The following ELOVL7 variants were observed in gnomAD, a reference collection of about 807,000 sequenced individuals.
The protein encoded by ELOVL7 is very long chain fatty acid elongase 7.
In ELOVL7, 27 loss-of-function variants were observed where a neutral mutation model predicts 35.7. The observed-to-expected ratio is 0.76, with a 90% confidence interval of 0.56 to 1.04. ELOVL7 has a LOEUF of 1.04. ELOVL7 is among the 50% of genes least tolerant of loss of function. The pLI, the probability that ELOVL7 is intolerant of heterozygous loss-of-function variation, is 0.00. For missense variants in ELOVL7, 327 were observed against 340.8 expected, an observed-to-expected ratio of 0.96 and a Z score of 0.32; for synonymous variants, 113 against 114.6, an observed-to-expected ratio of 0.99 and a Z score of 0.09.
Position 60,763,933 on chromosome 5 carries a change from A to G in ELOVL7, c.499+294T>C, listed in dbSNP as rs190094119. On this transcript the variant is annotated intron_variant, in intron 7 of 8. Transcript: ENST00000508821. ...CATTTGATTTATTTATTATTTATTT[A>G]TTTAAAGATATTTAATAAACCTCTC... is the stretch of plus-strand genomic sequence containing the variant. 2.6e-5 allele frequency among the ~76,000 whole-genome samples: 4 copies of G among 152,246 alleles called. No homozygotes were observed. In the East Asian group the frequency reaches 7.7e-4, roughly 29 times the overall value.
At chr5:60,786,535 AGG>A (rs1349596128) in intron 3 of ELOVL7, among the ~76,000 whole-genome samples, 1 of 152,162 alleles carries the variant, frequency 6.6e-6, no homozygotes. Flanking sequence ...TAAATGGGCA[AGG>A]GTAAAAGGCA....
Position 60,780,282 on chromosome 5 carries a change from G to A in ELOVL7, c.64+7052C>T, listed in dbSNP as rs1444159816. Among the ~76,000 whole-genome samples, 4 of 152,040 alleles carry A rather than the reference G, an allele frequency of 2.6e-5. No individual in the cohort carries two copies. The South Asian group carries it at 6.2e-4, about 24-fold the overall frequency. On this transcript the variant is annotated intron_variant, in intron 3 of 8. Transcript: ENST00000508821. The stretch of plus-strand genomic sequence containing the variant: ...TTACAGGCATGCGCCACCACGCCCA[G>A]TTAATTTTGTATTTTTTAGTAGAGA...
At chr5:60,842,032 C>A (rs13189346) in intron 1 of ELOVL7, among the ~76,000 whole-genome samples, 125,180 of 152,222 alleles carry the variant, frequency 0.82, 51,764 homozygotes, top group African/African-American at 0.89. Flanking sequence ...ACTGTATCAT[C>A]TTCTACATTT....
chr5:60,779,024 A>G (rs1340542787), intron 3 of ELOVL7, among the ~76,000 whole-genome samples: 1 of 152,176 alleles, frequency 6.6e-6, no homozygotes, highest in African/African-American at 2.4e-5. Flanking sequence ...TTAAATCTCA[A>G]TGCTCCACAA....
intron 1 of ELOVL7, among the ~76,000 whole-genome samples, chr5:60,832,430 A>G (rs2112388857): frequency 6.6e-6 from 1 of 151,682 alleles, no homozygotes. Context: ...CAGTGGCACC[A>G]TCTTGGCTCA....
chr5:60,808,773 T>C (rs1745090080), intron 1 of ELOVL7, among the ~76,000 whole-genome samples: 1 of 152,210 alleles, frequency 6.6e-6, no homozygotes, highest in Non-Finnish European at 1.5e-5. Flanking sequence ...ATCCATTCAA[T>C]GAATTACTAC....
intron 3 of ELOVL7, chr5:60,786,132 C>G (rs1294242116): frequency 1.3e-5 from 2 of 152,208 alleles, no homozygotes; most frequent in Admixed American, 6.5e-5. Context: ...AGTACTACAA[C>G]TAATAACCAG....
chr5:60,800,354 C>A (rs966227772), intron 1 of ELOVL7, among the ~76,000 whole-genome samples: 1 of 152,044 alleles, frequency 6.6e-6, no homozygotes, highest in Admixed American at 6.5e-5. Flanking sequence ...ATGTGATATA[C>A]CACATTAATA....
chr5:60,825,025 G>A (rs997539323), intron 1 of ELOVL7, among the ~76,000 whole-genome samples: 2 of 150,778 alleles, frequency 1.3e-5, no homozygotes, highest in African/African-American at 4.9e-5. Flanking sequence ...GTGCGATCTC[G>A]GCTCATTGCA....
chr5:60,762,142 T>C lies in ELOVL7; in HGVS notation c.499+2085A>G, dbSNP rs921943281. Among the ~76,000 whole-genome samples, 12 of 151,818 alleles carry C rather than the reference T, an allele frequency of 7.9e-5. No individual in the cohort carries two copies. The East Asian group carries it at 9.7e-4, about 12-fold the overall frequency. On this transcript the variant is annotated intron_variant, in intron 7 of 8. Coordinates refer to ENST00000508821, the MANE Select transcript of ELOVL7 (RefSeq NM_024930.3). ...TTGTAAAGAAGAAGAAGGATTAAGG[T>C]GTGGACAAGAAACCCGTTATAAAGT...
At chr5:60,779,421 T>C (rs1337382453) in intron 3 of ELOVL7, among the ~76,000 whole-genome samples, 1 of 152,184 alleles carries the variant, frequency 6.6e-6, no homozygotes, top group Non-Finnish European at 1.5e-5. Flanking sequence ...GAAATCTAGG[T>C]AGAGGTTCCC....
chr5:60,779,705 A>T (rs1743121607), intron 3 of ELOVL7, among the ~76,000 whole-genome samples: 2 of 152,098 alleles, frequency 1.3e-5, no homozygotes, highest in Admixed American at 1.3e-4. Flanking sequence ...CTCTGGAGAC[A>T]TTTTCCCCAT....
intron 2 of ELOVL7, among the ~76,000 whole-genome samples, chr5:60,788,278 G>A (rs944282949): frequency 1.3e-5 from 2 of 152,034 alleles, no homozygotes; most frequent in South Asian, 4.2e-4. Flanking sequence ...TGAATGGTAT[G>A]CCATAAAATT....
intron 1 of ELOVL7, among the ~76,000 whole-genome samples, chr5:60,819,693 C>T (rs1057023180): frequency 9.2e-5 from 14 of 151,892 alleles, no homozygotes; most frequent in African/African-American, 1.9e-4. Flanking sequence ...GGCTGAGGCA[C>T]GAGAATCATT....
chr5:60,805,507 A>G (rs764375774), intron 1 of ELOVL7, among the ~76,000 whole-genome samples: 1 of 152,190 alleles, frequency 6.6e-6, no homozygotes, highest in Non-Finnish European at 1.5e-5. Flanking sequence ...AGGTTTCTCA[A>G]CTGAGAAATG....
At chr5:60,809,742 GA>G (rs919218094) in intron 1 of ELOVL7, among the ~76,000 whole-genome samples, 2 of 152,070 alleles carry the variant, frequency 1.3e-5, no homozygotes, top group Non-Finnish European at 2.9e-5. Flanking sequence ...CAGGAAATCA[GA>G]AAAAAAGTAG....
chr5:60,800,030 C>CAAAAAAAAAAAAAAAAAAAAAAAAAAAA, intron 1 of ELOVL7, among the ~76,000 whole-genome samples: 1 of 86,206 alleles, frequency 1.2e-5, no homozygotes, highest in Non-Finnish European at 2.2e-5. Flanking sequence ...AACTCCATCT[C>CAAAAAAAAAAAAAAAAAAAAAAAAAAAA]AAAAAAAAAA....
intron 8 of ELOVL7, 43 bp from the exon 9 acceptor site, chr5:60,754,876 A>G (rs750671830): frequency 1.9e-6 from 3 of 1,556,568 alleles, no homozygotes; most frequent in Non-Finnish European, 2.6e-6. Context: ...AGATATGAAG[A>G]GTTAACAATT....
At chr5:60,815,016 G>T (rs1255207812) in intron 1 of ELOVL7, among the ~76,000 whole-genome samples, 1 of 152,144 alleles carries the variant, frequency 6.6e-6, no homozygotes, top group Non-Finnish European at 1.5e-5. Context: ...CCCTAACAAA[G>T]CATATGAGCT....
Sources: gnomAD v4.1 joint callset for allele counts (sites outside exome capture counted in the v4.1 genomes callset) on GRCh38, gnomAD v4.1.1 for gene constraint, MANE v1.5 for transcripts, NCBI Gene and HGNC (gene_info 2026-07-23, HGNC 2026-07-21) for gene names.